DOCK1: variants seen among roughly 807,000 people sequenced by gnomAD.
DOCK1 encodes the protein dedicator of cytokinesis protein 1.
Under a neutral mutation model 262.7 loss-of-function variants are expected in DOCK1, and 138 were observed. The observed-to-expected ratio is 0.53, with a 90% confidence interval of 0.46 to 0.61. The LOEUF (loss-of-function observed/expected upper bound fraction) is 0.61, where lower values mean the gene tolerates loss of function less well. DOCK1 is among the 20% of genes least tolerant of loss of function. The pLI is 0.00. For synonymous variants in DOCK1, 866 were observed against 867.4 expected, an observed-to-expected ratio of 1.00 and a Z score of 0.03; for missense variants, 1,908 against 2,370.7, an observed-to-expected ratio of 0.80 and a Z score of 4.05.
Position 127,185,136 on chromosome 10 carries a change from G to A in DOCK1, c.2847+57372G>A, listed in dbSNP as rs546913565. Among the ~76,000 whole-genome samples the A allele has an allele frequency of 8.5e-5, 13 of 152,218 alleles. No individual in the cohort carries two copies. In the South Asian group the frequency reaches 1.5e-3, roughly 17 times the overall value. ...TGCTCACTTTGCTTTGCTTTGTGTC[G>A]GTTTTCTCTCCTTAACACAAATATA... On this transcript the variant is annotated intron_variant, in intron 27 of 51. Coordinates refer to ENST00000623213, the MANE Select transcript of DOCK1 (RefSeq NM_001290223.2).
chr10:127,264,446 G>A (rs543570144), intron 29 of DOCK1, among the ~76,000 whole-genome samples: 1 of 152,324 alleles, frequency 6.6e-6, no homozygotes, highest in African/African-American at 2.4e-5. Flanking sequence ...CACTTTCATA[G>A]AGGACTTGGT....
chr10:127,106,253 C>A lies in DOCK1; in HGVS notation c.2468C>A (p.Pro823Gln). 6.3e-7 allele frequency: 1 copy of A among 1,593,260 alleles called. No individual in the cohort carries two copies. The highest frequency in any genetic ancestry group is 8.6e-7 in the Non-Finnish European group (1 of 1,168,580). ...RVKGAALKYL[P>Q]TIVNDVKLVF... is the part of the protein sequence containing the mutation. ...CAGGGGGCAGCACTGAAATACTTAC[C>A]AACGATCGTCAACGATGTGAAATTG... Residue 823 changes from proline to glutamine, a missense_variant, in exon 24 of 52, where the codon CCA (proline) becomes CAA (glutamine). Pro to Gln is a moderately conservative substitution (Grantham distance 76, BLOSUM62 -1). This residue lies in a region of DOCK1 where 518 missense variants were observed against 575.1 expected (regional missense o/e 0.90). Transcript: ENST00000623213.
intron 29 of DOCK1, among the ~76,000 whole-genome samples, chr10:127,277,709 G>A (rs2060793627): frequency 6.6e-6 from 1 of 152,174 alleles, no homozygotes; most frequent in Non-Finnish European, 1.5e-5. Flanking sequence ...GTTGCAGTAA[G>A]CCAGAACTGT....
At chr10:126,945,216 G>A (rs2035301403) in intron 1 of DOCK1, among the ~76,000 whole-genome samples, 1 of 152,078 alleles carries the variant, frequency 6.6e-6, no homozygotes, top group South Asian at 2.1e-4. Context: ...TATTTAAGGT[G>A]TCCACGGGGG....
intron 1 of DOCK1, among the ~76,000 whole-genome samples, chr10:126,938,727 T>C (rs1296161027): frequency 1.3e-5 from 2 of 151,054 alleles, no homozygotes; most frequent in Non-Finnish European, 3.0e-5. Context: ...GGCACCTTGC[T>C]GCTACATTCT....
chr10:126,925,339 T>C (rs1160474348), intron 1 of DOCK1, among the ~76,000 whole-genome samples: 1 of 152,244 alleles, frequency 6.6e-6, no homozygotes, highest in East Asian at 1.9e-4. Context: ...CCATCAGATC[T>C]CTTGGTGTCT....
At chr10:126,923,440 A>G (rs1333599769) in intron 1 of DOCK1, among the ~76,000 whole-genome samples, 11 of 152,054 alleles carry the variant, frequency 7.2e-5, no homozygotes, top group Non-Finnish European at 1.5e-4. Context: ...CCTGGCCAAC[A>G]TGGTGAAACC....
intron 27 of DOCK1, among the ~76,000 whole-genome samples, chr10:127,131,316 G>C (rs1043824643): frequency 6.6e-6 from 1 of 152,162 alleles, no homozygotes; most frequent in East Asian, 1.9e-4. Flanking sequence ...AGTGGGAAGA[G>C]GAGAGAGGTC....
chr10:127,017,845 G>T (rs947921019), intron 12 of DOCK1, among the ~76,000 whole-genome samples: 3 of 152,168 alleles, frequency 2.0e-5, no homozygotes, highest in African/African-American at 7.2e-5. Context: ...GCCCCTGCCT[G>T]CCCCGCCTTT....
At chr10:127,072,187 G>A (rs1277106090) in intron 23 of DOCK1, among the ~76,000 whole-genome samples, 1 of 152,200 alleles carries the variant, frequency 6.6e-6, no homozygotes, top group African/African-American at 2.4e-5. Flanking sequence ...CTGAAAGTGA[G>A]CAGGTCTCAG....
intron 10 of DOCK1, among the ~76,000 whole-genome samples, chr10:127,004,542 T>C (rs983385447): frequency 3.0e-4 from 46 of 152,098 alleles, no homozygotes; most frequent in Non-Finnish European, 5.0e-4. Context: ...AGCCCAGGCA[T>C]TCAAGACCAG....
chr10:127,146,132 A>G (rs749117863), intron 27 of DOCK1: 2 of 484,272 alleles, frequency 4.1e-6, no homozygotes, highest in South Asian at 1.5e-5. Context: ...TTATCTTCCC[A>G]TGAAACTGAC....
At chr10:127,318,182 T>G (rs2062365792) in intron 29 of DOCK1, among the ~76,000 whole-genome samples, 1 of 152,270 alleles carries the variant, frequency 6.6e-6, no homozygotes, top group Admixed American at 6.5e-5. Context: ...TTGTTCATTC[T>G]TTCCCTATTC....
chr10:127,084,211 G>A (rs1475641867), intron 23 of DOCK1, among the ~76,000 whole-genome samples: 2 of 152,170 alleles, frequency 1.3e-5, no homozygotes, highest in Non-Finnish European at 2.9e-5. Context: ...GGAAGATCAT[G>A]CATAAAGCCA....
intron 12 of DOCK1, 113 bp from the exon 13 acceptor site, chr10:127,018,597 C>T (rs769718598): frequency 3.9e-4 from 605 of 1,534,768 alleles, no homozygotes; most frequent in Non-Finnish European, 5.0e-4. Flanking sequence ...CCTTTTCTCT[C>T]AAGATGTTGA....
chr10:126,920,376 A>G (rs2033059058), intron 1 of DOCK1, among the ~76,000 whole-genome samples: 1 of 152,230 alleles, frequency 6.6e-6, no homozygotes, highest in African/African-American at 2.4e-5. Flanking sequence ...GCGGGAGAAT[A>G]GAAGAAAAGT....
rs1246922386 is a variant in DOCK1, at chr10:126,926,208, G to T, written c.46+20645G>T. On this transcript the variant is annotated intron_variant, in intron 1 of 51. Coordinates refer to ENST00000623213, the MANE Select transcript of DOCK1 (RefSeq NM_001290223.2). The stretch of plus-strand genomic sequence containing the variant: ...ATGTAAGCCTGAAAATTGATCCGGT[G>T]ACAGAGCCACCGAAGTGTTTTGTCT... Among the ~76,000 whole-genome samples, 4 of 151,984 alleles carry T rather than the reference G, an allele frequency of 2.6e-5. No homozygotes were observed. The East Asian group carries it at 7.8e-4, about 30-fold the overall frequency.
intron 29 of DOCK1, among the ~76,000 whole-genome samples, chr10:127,269,173 T>A (rs2060476895): frequency 6.6e-6 from 1 of 151,768 alleles, no homozygotes; most frequent in Admixed American, 6.6e-5. Context: ...CTCGCTGGAG[T>A]GTTTTGGGGG....
chr10:126,908,541 G>C (rs898686289), intron 1 of DOCK1, among the ~76,000 whole-genome samples: 2 of 152,230 alleles, frequency 1.3e-5, no homozygotes, highest in Non-Finnish European at 2.9e-5. Context: ...GAATCTGTTA[G>C]AAGCATTGTT....
Sources: allele counts gnomAD v4.1 joint callset (sites outside exome capture counted in the v4.1 genomes callset), GRCh38; gene constraint gnomAD v4.1.1; regional missense constraint gnomAD v4.1.1; transcripts MANE v1.5; gene names NCBI Gene and HGNC (gene_info 2026-07-23, HGNC 2026-07-21).